The following ST3GAL6 variants were observed in gnomAD, a reference collection of about 807,000 sequenced individuals.
ST3GAL6 encodes type 2 lactosamine alpha-2,3-sialyltransferase.
Under a neutral mutation model 40.5 loss-of-function variants are expected in ST3GAL6, and 31 were observed. The ratio of observed to expected loss-of-function variants is 0.77; its 90% CI spans 0.58 to 1.03. ST3GAL6 has a LOEUF of 1.03. ST3GAL6 is among the 50% of genes least tolerant of loss of function. ST3GAL6 has a pLI of 0.00. For missense variants in ST3GAL6, 357 were observed against 393.2 expected (o/e 0.91, Z 0.78); for synonymous variants, 129 against 136.9 (o/e 0.94, Z 0.40).
At chr3:98,758,857 C>G (rs1576065561), upstream of ST3GAL6, among the ~76,000 whole-genome samples, 1 of 152,142 alleles carries the variant, frequency 6.6e-6, no homozygotes, top group East Asian at 1.9e-4. Flanking sequence ...AGTTACTTAC[C>G]TAAGTATTTT....
intron 1 of ST3GAL6, chr3:98,732,968 G>T: frequency 3.3e-6 from 5 of 1,501,878 alleles, no homozygotes; most frequent in Non-Finnish European, 4.4e-6. Flanking sequence ...GCCTCGGCGG[G>T]TCACTCTTGC....
chr3:98,757,532 T>TAA (rs1937513144), intron 1 of ST3GAL6, among the ~76,000 whole-genome samples: 1 of 152,208 alleles, frequency 6.6e-6, no homozygotes, highest in African/African-American at 2.4e-5. Flanking sequence ...TGGTGATTTG[T>TAA]AAAGCTGTTT....
At chr3:98,741,138 G>C (rs1216292868) in intron 1 of ST3GAL6, among the ~76,000 whole-genome samples, 1 of 150,950 alleles carries the variant, frequency 6.6e-6, no homozygotes, top group Non-Finnish European at 1.5e-5. Context: ...AAAATCTGTA[G>C]GTTGAATAGA....
chr3:98,783,843 T>A (rs1397369074), intron 5 of ST3GAL6: 5 of 275,294 alleles, frequency 1.8e-5, no homozygotes, highest in African/African-American at 6.9e-5. Flanking sequence ...AAGTATTTTT[T>A]AAATTTTAAA....
chr3:98,753,813 C>T (rs1460824466), intron 1 of ST3GAL6, among the ~76,000 whole-genome samples: 1 of 152,166 alleles, frequency 6.6e-6, no homozygotes, highest in Non-Finnish European at 1.5e-5. Context: ...AAATAATTGT[C>T]CTAAATCTAC....
At position 98,763,532 on chromosome 3, in the gene ST3GAL6, G is replaced by A. The variant is rs529037623; in HGVS notation, c.-12+93G>A. 30 of 1,172,756 alleles carry A rather than the reference G, an allele frequency of 2.6e-5. No individual in the cohort carries two copies. In the African/African-American group the frequency reaches 3.0e-4, roughly 12 times the overall value. The allele number at this position is 1,172,756 out of a possible 1,614,324, so 72.6% of individuals were successfully genotyped here. On this transcript the variant is annotated intron_variant, in intron 1 of 9. Transcript: ENST00000483910. ...ATTAGACATTAGGTGCCCACAGGCT[G>A]TGTGGAGGTAGAAGGGGGATGTGCT... is the stretch of plus-strand genomic sequence containing the variant.
chr3:98,738,693 C>T (rs1428575899), intron 1 of ST3GAL6, among the ~76,000 whole-genome samples: 6 of 152,208 alleles, frequency 3.9e-5, no homozygotes, highest in Non-Finnish European at 7.3e-5. Flanking sequence ...ATGCAGCCAA[C>T]ACAGGAGCAC....
chr3:98,770,794 C>T, intron 2 of ST3GAL6, 85 bp from the exon 3 acceptor site: 1 of 1,147,654 alleles, frequency 8.7e-7, no homozygotes, highest in Non-Finnish European at 1.3e-6. Flanking sequence ...TCAGTGGTGG[C>T]ATGAATGAGT....
intron 5 of ST3GAL6, among the ~76,000 whole-genome samples, chr3:98,776,368 C>G (rs565318470): frequency 6.6e-6 from 1 of 152,286 alleles, no homozygotes; most frequent in African/African-American, 2.4e-5. Flanking sequence ...TCTTCTCAGC[C>G]TGGGAATAAA....
At chr3:98,777,247 G>A (rs1559746262) in intron 5 of ST3GAL6, among the ~76,000 whole-genome samples, 1 of 152,162 alleles carries the variant, frequency 6.6e-6, no homozygotes, top group Admixed American at 6.5e-5. Flanking sequence ...CCAATGATGT[G>A]CTGGAACCAG....
chr3:98,747,791 A>C (rs1321186477), intron 1 of ST3GAL6, among the ~76,000 whole-genome samples: 1 of 152,122 alleles, frequency 6.6e-6, no homozygotes, highest in East Asian at 1.9e-4. Flanking sequence ...AATATCATAT[A>C]CTCTATAATG....
chr3:98,784,440 A>T (rs1039873934), intron 5 of ST3GAL6: 1 of 154,694 alleles, frequency 6.5e-6, no homozygotes, highest in African/African-American at 2.4e-5. Flanking sequence ...GTCCATCTCC[A>T]CACTTGTGCA....
chr3:98,771,011 A>G, intron 3 of ST3GAL6, 55 bp downstream of exon 3: 1 of 1,586,020 alleles, frequency 6.3e-7, no homozygotes, highest in Non-Finnish European at 8.6e-7. Context: ...ATGTGCTTGT[A>G]ATCATTTTCC....
chr3:98,758,512 T>C (rs1937550662), upstream of ST3GAL6, among the ~76,000 whole-genome samples: 2 of 152,232 alleles, frequency 1.3e-5, no homozygotes, highest in African/African-American at 4.8e-5. Flanking sequence ...ATATGGTTTC[T>C]ATAGCCAGAA....
chr3:98,780,619 G>A (rs1283281627), intron 5 of ST3GAL6, among the ~76,000 whole-genome samples: 3 of 152,194 alleles, frequency 2.0e-5, no homozygotes, highest in East Asian at 3.9e-4. Context: ...ATAAGTAGGA[G>A]AGGCTGAGTA....
At chr3:98,761,326 G>A (rs1393541126), upstream of ST3GAL6, among the ~76,000 whole-genome samples, 1 of 152,154 alleles carries the variant, frequency 6.6e-6, no homozygotes, top group Non-Finnish European at 1.5e-5. Context: ...ATTACACACA[G>A]GCTGGGCATG....
chr3:98,773,044 G>T (rs933405734), intron 4 of ST3GAL6, 128 bp downstream of exon 4: 5 of 573,900 alleles, frequency 8.7e-6, no homozygotes, highest in Non-Finnish European at 1.5e-5. Context: ...ATATGATTTT[G>T]GGATGGAATG....
chr3:98,789,286 C>A (rs1344825713), intron 8 of ST3GAL6, among the ~76,000 whole-genome samples: 2 of 152,024 alleles, frequency 1.3e-5, no homozygotes, highest in South Asian at 2.1e-4. Flanking sequence ...ATGCTGAAAA[C>A]AAATGTTAGT....
chr3:98,782,135 G>C, intron 5 of ST3GAL6: 2 of 659,520 alleles, frequency 3.0e-6, no homozygotes, highest in Non-Finnish European at 5.4e-6. Context: ...GATAAAGTTG[G>C]CTTTCTAGAA....
Sources: gnomAD v4.1 joint callset for allele counts (sites outside exome capture counted in the v4.1 genomes callset) on GRCh38, gnomAD v4.1.1 for gene constraint, MANE v1.5 for transcripts, NCBI Gene and HGNC (gene_info 2026-07-23, HGNC 2026-07-21) for gene names.